The following CSMD1 variants were observed in gnomAD, a reference collection of about 807,000 sequenced individuals.
The protein encoded by CSMD1 is CUB and Sushi multiple domains 1.
A neutral mutation model predicts 417.5 loss-of-function variants in CSMD1; 213 were observed. The ratio of observed to expected loss-of-function variants is 0.51; its 90% CI spans 0.46 to 0.57. The LOEUF (loss-of-function observed/expected upper bound fraction) is 0.57. CSMD1 is among the 20% of genes least tolerant of loss of function. CSMD1 has a pLI of 0.00. For synonymous variants in CSMD1, 2,862 were observed against 1,736.8 expected, an observed-to-expected ratio of 1.65 and a Z score of -16.11; for missense variants, 6,923 against 4,529.7, an observed-to-expected ratio of 1.53 and a Z score of -15.17.
chr8:4,871,864 G>C (rs925931987), intron 1 of CSMD1, among the ~76,000 whole-genome samples: 1 of 151,960 alleles, frequency 6.6e-6, no homozygotes, highest in African/African-American at 2.4e-5. Flanking sequence ...GTCTCCAGTT[G>C]GTCATTGCTT....
At chr8:4,835,425 C>G (rs1163194275) in intron 1 of CSMD1, among the ~76,000 whole-genome samples, 1 of 152,036 alleles carries the variant, frequency 6.6e-6, no homozygotes, top group Non-Finnish European at 1.5e-5. Context: ...CATTAAGAGA[C>G]AAGAGGTAGA....
At chr8:3,646,879 G>C (rs527902400) in intron 7 of CSMD1, among the ~76,000 whole-genome samples, 28 of 152,266 alleles carry the variant, frequency 1.8e-4, no homozygotes, top group African/African-American at 5.8e-4. Flanking sequence ...ACACGAGCCT[G>C]TTCCTCTAGT....
intron 1 of CSMD1, among the ~76,000 whole-genome samples, chr8:4,985,960 T>A (rs1811157289): frequency 6.6e-6 from 1 of 152,178 alleles, no homozygotes; most frequent in Admixed American, 6.5e-5. Context: ...CTTGTAAAAA[T>A]GTGACTCTTC....
At chr8:3,803,770 G>C (rs983056861) in intron 5 of CSMD1, among the ~76,000 whole-genome samples, 1 of 152,180 alleles carries the variant, frequency 6.6e-6, no homozygotes, top group African/African-American at 2.4e-5. Flanking sequence ...GAAGTAATTT[G>C]AGTAACATTT....
At chr8:4,645,418 C>A (rs1393776053) in intron 1 of CSMD1, among the ~76,000 whole-genome samples, 2 of 117,696 alleles carry the variant, frequency 1.7e-5, no homozygotes, top group Non-Finnish European at 1.6e-5. Flanking sequence ...AGACAAATTG[C>A]CAAGACAGCA....
At chr8:4,776,755 A>G (rs920808961) in intron 1 of CSMD1, among the ~76,000 whole-genome samples, 3 of 152,172 alleles carry the variant, frequency 2.0e-5, no homozygotes, top group African/African-American at 7.2e-5. Context: ...ACTCAGTTAT[A>G]TTTTAGAAAA....
chr8:4,006,086 G>A (rs574089171), intron 4 of CSMD1, among the ~76,000 whole-genome samples: 7 of 152,200 alleles, frequency 4.6e-5, no homozygotes, highest in Non-Finnish European at 7.3e-5. Flanking sequence ...ATTCCCAACA[G>A]ATGCAACAGA....
Position 4,174,536 on chromosome 8 carries a change from C to T in CSMD1, c.416-142437G>A, listed in dbSNP as rs564757880. On this transcript the variant is annotated intron_variant, in intron 3 of 69. Transcript: ENST00000635120. ...AATAAATGACCCCCATGTCCACCCA[C>T]CTCTCAAAAGAGATGTTTTTATAAA... Among the ~76,000 whole-genome samples, 66 of 150,910 alleles carry T rather than the reference C, an allele frequency of 4.4e-4. 2 individuals carry two copies. The South Asian group carries it at 0.013, about 30-fold the overall frequency.
chr8:3,335,657 C>G (rs1807211127), intron 23 of CSMD1, among the ~76,000 whole-genome samples: 1 of 152,132 alleles, frequency 6.6e-6, no homozygotes, highest in African/African-American at 2.4e-5. Flanking sequence ...GCCTGGGTGA[C>G]AGAGTGAGAC....
At chr8:2,955,538 C>A in intron 64 of CSMD1, 51 bp downstream of exon 64, 1 of 1,584,976 alleles carries the variant, frequency 6.3e-7, no homozygotes, top group Non-Finnish European at 8.6e-7. Context: ...GGCAGCTGAT[C>A]CTTTCCCTTG....
chr8:3,421,650 T>G (rs1023277454), intron 12 of CSMD1, among the ~76,000 whole-genome samples: 4 of 152,194 alleles, frequency 2.6e-5, no homozygotes, highest in Non-Finnish European at 5.9e-5. Context: ...TCTTTTTCTT[T>G]TTTTTGAGAC....
chr8:3,612,864 G>C (rs1290474747), intron 8 of CSMD1, among the ~76,000 whole-genome samples: 2 of 151,942 alleles, frequency 1.3e-5, no homozygotes, highest in Non-Finnish European at 2.9e-5. Flanking sequence ...TCAACTTTAA[G>C]AGACTAGAAA....
At chr8:3,754,849 G>A (rs1797567926) in intron 5 of CSMD1, among the ~76,000 whole-genome samples, 1 of 152,180 alleles carries the variant, frequency 6.6e-6, no homozygotes. Flanking sequence ...CCCATTTGCA[G>A]GACTAAGAAC....
intron 3 of CSMD1, among the ~76,000 whole-genome samples, chr8:4,290,587 C>T (rs1659591530): frequency 6.6e-6 from 1 of 152,200 alleles, no homozygotes; most frequent in East Asian, 1.9e-4. Flanking sequence ...TCCCATGCTT[C>T]ATACAATTTA....
chr8:4,480,448 C>A (rs1053025185), intron 2 of CSMD1, among the ~76,000 whole-genome samples: 1 of 152,160 alleles, frequency 6.6e-6, no homozygotes, highest in Non-Finnish European at 1.5e-5. Context: ...GCGAGCATAA[C>A]CTTCTACTCT....
intron 3 of CSMD1, among the ~76,000 whole-genome samples, chr8:4,175,817 A>G (rs994228588): frequency 4.6e-5 from 7 of 152,212 alleles, no homozygotes; most frequent in Non-Finnish European, 5.9e-5. Flanking sequence ...AGCATATATA[A>G]AAGTATGCAG....
At chr8:3,572,619 A>G (rs1210603335) in intron 10 of CSMD1, among the ~76,000 whole-genome samples, 3 of 152,198 alleles carry the variant, frequency 2.0e-5, no homozygotes, top group African/African-American at 7.2e-5. Context: ...GTTTTCTTTA[A>G]AAGAAATTCA....
At chr8:3,072,809 G>C (rs887343783) in intron 49 of CSMD1, among the ~76,000 whole-genome samples, 5 of 152,102 alleles carry the variant, frequency 3.3e-5, no homozygotes, top group Non-Finnish European at 5.9e-5. Flanking sequence ...TCTGAATACT[G>C]GTCGATGTAT....
chr8:4,867,237 G>C (rs1042270150), intron 1 of CSMD1, among the ~76,000 whole-genome samples: 4 of 151,974 alleles, frequency 2.6e-5, no homozygotes, highest in Admixed American at 2.0e-4. Context: ...TGGAGTGTTT[G>C]GGGGTTGTTA....
Sources: allele counts gnomAD v4.1 joint callset (sites outside exome capture counted in the v4.1 genomes callset), GRCh38; gene constraint gnomAD v4.1.1; transcripts MANE v1.5; gene names NCBI Gene and HGNC (gene_info 2026-07-23, HGNC 2026-07-21).